Variants in GNB1 observed in about 807,000 individuals in gnomAD.
The protein encoded by GNB1 is G protein subunit beta 1.
A neutral mutation model predicts 42.9 loss-of-function variants in GNB1; 2 were observed. The ratio of observed to expected loss-of-function variants is 0.05; its 90% CI spans 0.02 to 0.15. The LOEUF is 0.15. GNB1 is among the 10% of genes least tolerant of loss of function. The pLI is 1.00. For missense variants in GNB1, 193 were observed against 462.2 expected, an observed-to-expected ratio of 0.42 and a Z score of 5.34; for synonymous variants, 183 against 174.7, an observed-to-expected ratio of 1.05 and a Z score of -0.38.
At position 1,874,912 on chromosome 1, in the gene GNB1, T is replaced by G. The variant is rs368690706; in HGVS notation, c.-96+15908A>C. Among the ~76,000 whole-genome samples, 170 of 152,294 alleles carry G rather than the reference T, an allele frequency of 1.1e-3. 1 individual carries two copies. The highest frequency in any genetic ancestry group is 3.9e-3 in the African/African-American group (164 of 41,568). Reference sequence around the variant, plus strand: ...GGACCGGTTTTGTGAAGGACAATTTTTCCACAGACAGAGGGGATGGTTTTG... The same window carrying G: ...GGACCGGTTTTGTGAAGGACAATTTGTCCACAGACAGAGGGGATGGTTTTG... On this transcript the variant is annotated intron_variant, in intron 1 of 11. Transcript: ENST00000378609.
chr1:1,846,977 C>A (rs1020994456), intron 1 of GNB1, among the ~76,000 whole-genome samples: 8 of 152,264 alleles, frequency 5.3e-5, no homozygotes, highest in African/African-American at 1.9e-4. Flanking sequence ...TTTCTGCCAA[C>A]CAAGAGGCAC....
At chr1:1,884,943 A>T (rs1210943456) in intron 1 of GNB1, among the ~76,000 whole-genome samples, 1 of 151,778 alleles carries the variant, frequency 6.6e-6, no homozygotes, top group Non-Finnish European at 1.5e-5. Context: ...TGGGCCTCCC[A>T]AAGTGCTGGG....
Position 1,787,523 on chromosome 1 carries a change from G to A in GNB1, c.917-86C>T. 5.1e-6 allele frequency: 4 copies of A among 790,886 alleles called. No homozygotes were observed. The highest frequency in any genetic ancestry group is 8.5e-6 in the Non-Finnish European group (4 of 469,994). 49.0% of individuals were successfully genotyped at this position (790,886 alleles called of 1,614,324 possible). ...CCATGTTGTGACGAGGACGGATGGTGCATCTCTCATGGGACAAGACCCAGA... is the reference window on the plus strand; with the variant it reads ...CCATGTTGTGACGAGGACGGATGGTACATCTCTCATGGGACAAGACCCAGA... On this transcript the variant is annotated intron_variant, in intron 10 of 11. Transcript: ENST00000378609. The surrounding 1 kb of genome is among the most constrained non-coding windows in gnomAD (Gnocchi z 4.4).
At chr1:1,807,463 G>GAAAA (rs533616486) in intron 5 of GNB1, among the ~76,000 whole-genome samples, 440 of 25,486 alleles carry the variant, frequency 0.017, 17 homozygotes, top group African/African-American at 0.025. Flanking sequence ...GATCCTGACT[G>GAAAA]AAAAAAAAAA....
intron 7 of GNB1, among the ~76,000 whole-genome samples, chr1:1,800,669 A>C (rs1262641988): frequency 1.3e-5 from 2 of 152,066 alleles, no homozygotes; most frequent in Non-Finnish European, 2.9e-5. Flanking sequence ...TTATAGATTC[A>C]AGATGCCAAA....
intron 2 of GNB1, among the ~76,000 whole-genome samples, chr1:1,826,905 G>T (rs936477218): frequency 1.3e-5 from 2 of 152,202 alleles, no homozygotes; most frequent in Non-Finnish European, 2.9e-5. Flanking sequence ...GATCTTGGCT[G>T]TTAAGTATGA....
Position 1,851,414 on chromosome 1 carries a change from G to GA in GNB1, c.-95-12177dup, listed in dbSNP as rs61558279. 8.8e-3 allele frequency among the ~76,000 whole-genome samples: 1,045 copies of GA among 118,762 alleles called. 17 individuals carry two copies. The highest frequency in any genetic ancestry group is 0.034 in the African/African-American group (955 of 28,450). 77.9% of individuals were successfully genotyped at this position (118,762 alleles called of 152,430 possible). On this transcript the variant is annotated intron_variant, in intron 1 of 11. Coordinates refer to ENST00000378609, the MANE Select transcript of GNB1 (RefSeq NM_002074.5). The stretch of plus-strand genomic sequence containing the variant: ...AACAAGAGTAAAACTCCATCTCAAA[G>GA]AAAAAAAAAAAAAAAAATTAGCAGG...
intron 6 of GNB1, 106 bp downstream of exon 6, chr1:1,806,369 G>T: frequency 1.5e-6 from 1 of 677,470 alleles, no homozygotes; most frequent in Non-Finnish European, 2.6e-6. Context: ...GCTTGCCGCT[G>T]CTGCCTTCCC....
intron 8 of GNB1, among the ~76,000 whole-genome samples, 181 bp downstream of exon 8, chr1:1,793,064 C>CAA (rs33952351): frequency 1.5e-4 from 22 of 142,446 alleles, no homozygotes; most frequent in East Asian, 2.0e-4. Flanking sequence ...AACTCCATCT[C>CAA]AAAAAAAAAA....
At chr1:1,880,576 A>T (rs1649789313) in intron 1 of GNB1, among the ~76,000 whole-genome samples, 1 of 151,030 alleles carries the variant, frequency 6.6e-6, no homozygotes, top group African/African-American at 2.4e-5. Context: ...ACAGAGAGAG[A>T]CTCCATCTCA....
chr1:1,888,682 A>C (rs1650294128), intron 1 of GNB1, among the ~76,000 whole-genome samples: 1 of 152,130 alleles, frequency 6.6e-6, no homozygotes, highest in Non-Finnish European at 1.5e-5. Context: ...TACTAAAAAT[A>C]CAAAAAATTA....
intron 1 of GNB1, among the ~76,000 whole-genome samples, chr1:1,889,227 C>T (rs142855414): frequency 6.6e-6 from 1 of 152,138 alleles, no homozygotes; most frequent in Non-Finnish European, 1.5e-5. Flanking sequence ...CGTCCATTTG[C>T]TAATCATGAA....
At chr1:1,824,108 A>C (rs1472134934) in intron 3 of GNB1, among the ~76,000 whole-genome samples, 1 of 152,208 alleles carries the variant, frequency 6.6e-6, no homozygotes, top group Non-Finnish European at 1.5e-5. Context: ...CAGAGCAAAC[A>C]AGAGTAAGAG....
At chr1:1,848,357 C>CAAAAAAAAAAAAAAAAAAAAAAA (rs56979938) in intron 1 of GNB1, among the ~76,000 whole-genome samples, 1 of 94,366 alleles carries the variant, frequency 1.1e-5, no homozygotes, top group African/African-American at 4.7e-5. Context: ...CCAGCCCAGG[C>CAAAAAAAAAAAAAAAAAAAAAAA]AAAAAAAAAA....
At position 1,793,282 on chromosome 1, in the gene GNB1, C is replaced by T. The variant is rs1380371157; in HGVS notation, c.460G>A (p.Asp154Asn). 6.2e-7 allele frequency: 1 copy of T among 1,613,462 alleles called. No individual in the cohort carries two copies. Among genetic ancestry groups the T allele is most frequent in the South Asian group, 1.1e-5 (1 of 90,962 alleles). The change falls in exon 8 of 12, where the codon GAC becomes AAC. Residue 154 changes from aspartate to asparagine, a missense_variant. Transcript: ENST00000378609. ...GYLSCCRFLD[D>N]NQIVTSSGDT... Reference sequence around the variant, plus strand: ...CCAGAGCTGGTGACGATCTGATTGTCATCCAGGAATCGGCAGCAGGACAGG... The same window carrying T: ...CCAGAGCTGGTGACGATCTGATTGTTATCCAGGAATCGGCAGCAGGACAGG...
Position 1,834,859 on chromosome 1 carries a change from G to A in GNB1, c.-47+4331C>T, listed in dbSNP as rs188255753. Among the ~76,000 whole-genome samples the A allele has an allele frequency of 6.8e-4, 104 of 151,828 alleles. 2 individuals are homozygous for A. The East Asian group carries it at 0.016, about 24-fold the overall frequency. On this transcript the variant is annotated intron_variant, in intron 2 of 11. Coordinates refer to ENST00000378609, the MANE Select transcript of GNB1 (RefSeq NM_002074.5). Reference sequence around the variant, plus strand: ...AATTTTTTAAATTTTTATTAGAGACGGGGTTTCACCGTGTTAGCCAGGATG... The same window carrying A: ...AATTTTTTAAATTTTTATTAGAGACAGGGTTTCACCGTGTTAGCCAGGATG...
chr1:1,866,005 G>A (rs995736933), intron 1 of GNB1, among the ~76,000 whole-genome samples: 2 of 151,340 alleles, frequency 1.3e-5, no homozygotes, highest in Non-Finnish European at 2.9e-5. Context: ...ATGGCGCAAC[G>A]TTGGCTCACT....
intron 1 of GNB1, among the ~76,000 whole-genome samples, chr1:1,854,913 C>CT (rs1648186583): frequency 6.6e-6 from 1 of 152,106 alleles, no homozygotes; most frequent in African/African-American, 2.4e-5. Flanking sequence ...GTAATCCCAG[C>CT]ACTTTGGGAG....
At chr1:1,795,130 G>A (rs1377379294) in intron 7 of GNB1, among the ~76,000 whole-genome samples, 1 of 152,178 alleles carries the variant, frequency 6.6e-6, no homozygotes, top group East Asian at 1.9e-4. Flanking sequence ...GGACCACAAA[G>A]GTGAACCCAA....
Sources: gnomAD v4.1 joint callset for allele counts (sites outside exome capture counted in the v4.1 genomes callset) on GRCh38, gnomAD v4.1.1 for gene constraint, Gnocchi (gnomAD v3.1) non-coding constraint, MANE v1.5 for transcripts, NCBI Gene and HGNC (gene_info 2026-07-23, HGNC 2026-07-21) for gene names.